MYPN: variants seen among roughly 807,000 people sequenced by gnomAD.
The protein encoded by MYPN is myopalladin.
In MYPN, 63 loss-of-function variants were observed where a neutral mutation model predicts 129.4. The observed-to-expected ratio is 0.49, with a 90% CI of 0.40 to 0.60. MYPN has a LOEUF of 0.60. Ranked by LOEUF, MYPN falls within the 20% of genes least tolerant of loss-of-function variation. The pLI, the probability that MYPN is intolerant of heterozygous loss-of-function variation, is 0.00. For synonymous variants in MYPN, 629 were observed against 600.9 expected (o/e 1.05, Z -0.68); for missense variants, 1,596 against 1,635.4 (o/e 0.98, Z 0.42).
intron 2 of MYPN, among the ~76,000 whole-genome samples, chr10:68,133,214 C>T (rs546400247): frequency 1.4e-4 from 22 of 151,916 alleles, no homozygotes; most frequent in South Asian, 4.2e-4. Context: ...TTAGTAGAGA[C>T]GGGTTCTGCC....
At position 68,095,349 on chromosome 10, in the gene MYPN, C is replaced by CAAA. The variant is rs34153833; in HGVS notation, c.-2+7372_-2+7374dup. Among the ~76,000 whole-genome samples the CAAA allele has an allele frequency of 2.2e-3, 256 of 114,692 alleles. 3 individuals carry two copies. The highest frequency in any genetic ancestry group is 5.1e-3 in the African/African-American group (180 of 35,560). The allele number at this position is 114,692 out of a possible 152,430, so 75.2% of individuals were successfully genotyped here. On this transcript the variant is annotated intron_variant, in intron 1 of 6. Transcript: ENST00000685154. ...TGGGTGACAGAGTCAGTCCCTGTCT[C>CAAA]AAAAAAAAAAAAAAAAATTATAAGG... is the stretch of plus-strand genomic sequence containing the variant.
intron 18 of MYPN, among the ~76,000 whole-genome samples, chr10:68,205,913 T>C (rs2043807057): frequency 6.6e-6 from 1 of 152,244 alleles, no homozygotes. Context: ...GTTATACTTG[T>C]TATTGATTGA....
At chr10:68,159,699 A>T (rs2042941658) in intron 7 of MYPN, among the ~76,000 whole-genome samples, 1 of 152,212 alleles carries the variant, frequency 6.6e-6, no homozygotes, top group Non-Finnish European at 1.5e-5. Context: ...ATCATATGAT[A>T]GAAAAACTTG....
chr10:68,100,489 G>A (rs886442668), intron 1 of MYPN, among the ~76,000 whole-genome samples: 6 of 152,140 alleles, frequency 3.9e-5, no homozygotes, highest in African/African-American at 1.4e-4. Context: ...CTGCCCATCG[G>A]CGATGAGGAT....
intron 1 of MYPN, among the ~76,000 whole-genome samples, chr10:68,119,948 C>T (rs1041198583): frequency 3.3e-5 from 5 of 152,002 alleles, no homozygotes; most frequent in Admixed American, 2.0e-4. Context: ...CCTAGGAAGC[C>T]TTTCGTGTGA....
In MYPN at chr10:68,199,363, A is replaced by G. The variant is rs747808270; in HGVS notation, c.3286-5A>G. On this transcript the variant is annotated splice_region_variant and splice_polypyrimidine_tract_variant and intron_variant, in intron 16 of 19. Coordinates refer to ENST00000358913, the MANE Select transcript of MYPN (RefSeq NM_032578.4). Reference sequence around the variant, plus strand: ...ATGTGCCTCAGCTGTTCTGTTGTTTATTAGGTGAGTGGTTTACCGCCCCCG... The same window carrying G: ...ATGTGCCTCAGCTGTTCTGTTGTTTGTTAGGTGAGTGGTTTACCGCCCCCG... The G allele has an allele frequency of 2.5e-6, 4 of 1,613,728 alleles. No individual in the cohort carries two copies. Among genetic ancestry groups the G allele is most frequent in the Non-Finnish European group, 2.5e-6 (3 of 1,179,778 alleles).
chr10:68,156,731 A>G (rs976653713), intron 6 of MYPN, among the ~76,000 whole-genome samples: 2 of 152,234 alleles, frequency 1.3e-5, no homozygotes, highest in Non-Finnish European at 2.9e-5. Context: ...CAAGAACTGT[A>G]AAAAATAACG....
chr10:68,135,076 C>T (rs916952976), intron 2 of MYPN, among the ~76,000 whole-genome samples: 1 of 151,992 alleles, frequency 6.6e-6, no homozygotes, highest in Non-Finnish European at 1.5e-5. Context: ...CTCAGCCTCC[C>T]GAGTAGCTGG....
chr10:68,140,418 A>G (rs535789112), intron 2 of MYPN, among the ~76,000 whole-genome samples: 1 of 152,292 alleles, frequency 6.6e-6, no homozygotes, highest in South Asian at 2.1e-4. Flanking sequence ...AACATTTACA[A>G]CCTAGGAAAC....
At chr10:68,142,706 A>C (rs2042595984) in intron 2 of MYPN, among the ~76,000 whole-genome samples, 1 of 152,190 alleles carries the variant, frequency 6.6e-6, no homozygotes. Flanking sequence ...CAGTTTTCTC[A>C]GTTGTACCAT....
At chr10:68,118,642 T>C (rs1390727638) in intron 1 of MYPN, among the ~76,000 whole-genome samples, 2 of 152,132 alleles carry the variant, frequency 1.3e-5, no homozygotes, top group Non-Finnish European at 2.9e-5. Context: ...GAGACCAGCC[T>C]GGGCAACATA....
upstream of MYPN, chr10:68,109,359 C>T: frequency 3.0e-6 from 1 of 337,650 alleles, no homozygotes; most frequent in Non-Finnish European, 5.9e-6. Flanking sequence ...GGTAAAAGAA[C>T]TGATTGACCC....
chr10:68,203,863 A>G (rs935300569), intron 18 of MYPN, among the ~76,000 whole-genome samples: 2 of 152,192 alleles, frequency 1.3e-5, no homozygotes, highest in African/African-American at 2.4e-5. Context: ...CACTGTGATT[A>G]TAACTGTGTT....
At chr10:68,135,182 A>G (rs1398156338) in intron 2 of MYPN, among the ~76,000 whole-genome samples, 1 of 152,028 alleles carries the variant, frequency 6.6e-6, no homozygotes, top group Non-Finnish European at 1.5e-5. Context: ...CAAACCCCTG[A>G]CCTCAAGTGA....
At chr10:68,182,482 A>T (rs2043351726) in intron 12 of MYPN, among the ~76,000 whole-genome samples, 1 of 141,042 alleles carries the variant, frequency 7.1e-6, no homozygotes, top group Non-Finnish European at 1.5e-5. Context: ...ACACACACAC[A>T]CACACACACA....
chr10:68,174,902 AG>A (rs985578563), intron 11 of MYPN, among the ~76,000 whole-genome samples: 3 of 152,180 alleles, frequency 2.0e-5, no homozygotes, highest in African/African-American at 7.2e-5. Flanking sequence ...TGGGAGGCCG[AG>A]GAAGGCAGAT....
upstream of MYPN, among the ~76,000 whole-genome samples, chr10:68,105,184 A>C (rs1419899606): frequency 6.6e-6 from 1 of 152,200 alleles, no homozygotes; most frequent in Non-Finnish European, 1.5e-5. Context: ...ACTCAGGTTC[A>C]ATTTTGGCTC....
intron 13 of MYPN, among the ~76,000 whole-genome samples, chr10:68,191,247 T>C (rs1263419285): frequency 1.3e-5 from 2 of 151,466 alleles, no homozygotes; most frequent in Non-Finnish European, 2.9e-5. Context: ...AGACAGGGTC[T>C]TGCTCTATTG....
At chr10:68,136,905 A>G (rs1451662434) in intron 2 of MYPN, among the ~76,000 whole-genome samples, 2 of 151,934 alleles carry the variant, frequency 1.3e-5, no homozygotes, top group African/African-American at 4.8e-5. Context: ...CTTTTTTGCA[A>G]TTTTCTGTTT....
Sources: gnomAD v4.1 joint callset for allele counts (sites outside exome capture counted in the v4.1 genomes callset) on GRCh38, gnomAD v4.1.1 for gene constraint, MANE v1.5 for transcripts, NCBI Gene and HGNC (gene_info 2026-07-23, HGNC 2026-07-21) for gene names.